CRYBG1: variants seen among roughly 807,000 people sequenced by gnomAD.
CRYBG1 encodes crystallin beta-gamma domain containing 1, also known as beta/gamma crystallin domain-containing protein 1.
Under a neutral mutation model 189.2 loss-of-function variants are expected in CRYBG1, and 139 were observed. The ratio of observed to expected loss-of-function variants is 0.73; its 90% CI spans 0.64 to 0.85. The LOEUF is 0.85. Ranked by LOEUF, CRYBG1 falls within the 40% of genes least tolerant of loss-of-function variation. The pLI is 0.00. For synonymous variants in CRYBG1, 1,023 were observed against 1,017.1 expected, an observed-to-expected ratio of 1.01 and a Z score of -0.11; for missense variants, 2,611 against 2,675.8, an observed-to-expected ratio of 0.98 and a Z score of 0.53.
intron 2 of CRYBG1, among the ~76,000 whole-genome samples, chr6:106,486,181 AC>A (rs1772589521): frequency 1.3e-5 from 2 of 152,114 alleles, no homozygotes; most frequent in South Asian, 2.1e-4. Context: ...GTCTCAAGAA[AC>A]TTTTAAATTT....
chr6:106,510,255 C>T (rs1326144208), intron 2 of CRYBG1, among the ~76,000 whole-genome samples: 1 of 152,244 alleles, frequency 6.6e-6, no homozygotes, highest in African/African-American at 2.4e-5. Flanking sequence ...AGGAGCCAGG[C>T]TGGGCTCGCC....
chr6:106,480,041 A>G (rs1048136327), intron 2 of CRYBG1, among the ~76,000 whole-genome samples: 1 of 152,052 alleles, frequency 6.6e-6, no homozygotes, highest in Non-Finnish European at 1.5e-5. Context: ...TTATAGTTTT[A>G]GCTCCTCCAT....
chr6:106,520,360 T>C lies in CRYBG1; in HGVS notation c.3152T>C (p.Leu1051Pro), dbSNP rs1462087345. Residue 1051 changes from leucine (L) to proline (P), a missense_variant, in exon 4 of 22, where the codon CTG becomes CCG. Leu to Pro is a moderately conservative substitution (Grantham distance 98). This residue lies in a region of CRYBG1 where 1,622 missense variants were observed against 1,735.0 expected (regional missense o/e 0.93). Coordinates refer to ENST00000633556, the MANE Select transcript of CRYBG1 (RefSeq NM_001371242.2). ...CAAAGTCAGGGCAGCAGAACACCCC[T>C]GATGGCTGAATCCAGTCCCACCAAC... ...QAQSQGSRTP[L>P]MAESSPTNSP... 1.2e-6 allele frequency: 2 copies of C among 1,614,122 alleles called. No individual in the cohort carries two copies. The highest frequency in any genetic ancestry group is 1.3e-5 in the African/African-American group (1 of 75,040).
intron 1 of CRYBG1, among the ~76,000 whole-genome samples, chr6:106,435,974 A>G (rs1321708781): frequency 6.6e-6 from 1 of 152,228 alleles, no homozygotes; most frequent in Non-Finnish European, 1.5e-5. Flanking sequence ...ACTGGGAAAA[A>G]GAAATTGAGA....
intron 1 of CRYBG1, among the ~76,000 whole-genome samples, chr6:106,413,394 T>C (rs1385868108): frequency 6.6e-6 from 1 of 152,126 alleles, no homozygotes; most frequent in East Asian, 1.9e-4. Flanking sequence ...TGACAGATGT[T>C]GGCCAGGCAT....
rs1428484135 is a variant in CRYBG1, at chr6:106,431,101, A to G, written c.174-20593A>G. On this transcript the variant is annotated intron_variant, in intron 1 of 21. Transcript: ENST00000633556. ...GGTCTCAAACTCCTGACCTCAAGTGATCCACCCGCCTCAGCCTCCCAAAGT... is the reference window on the plus strand; with the variant it reads ...GGTCTCAAACTCCTGACCTCAAGTGGTCCACCCGCCTCAGCCTCCCAAAGT... Among the ~76,000 whole-genome samples, 5 of 152,100 alleles carry G rather than the reference A, an allele frequency of 3.3e-5. No individual in the cohort carries two copies. The East Asian group carries it at 7.7e-4, about 24-fold the overall frequency.
intron 1 of CRYBG1, among the ~76,000 whole-genome samples, chr6:106,399,064 C>G (rs1770668206): frequency 6.8e-6 from 1 of 147,910 alleles, no homozygotes; most frequent in Non-Finnish European, 1.5e-5. Context: ...GGAAGTTTGC[C>G]CAGAGAGCCA....
chr6:106,507,360 G>A (rs946884767), intron 2 of CRYBG1, among the ~76,000 whole-genome samples: 24 of 152,184 alleles, frequency 1.6e-4, no homozygotes, highest in Admixed American at 2.0e-4. Context: ...CTTAAGTAAG[G>A]TGGGCAGAAA....
At position 106,512,784 on chromosome 6, in the gene CRYBG1, C is replaced by T. The variant is rs767378767; in HGVS notation, c.1667C>T (p.Ala556Val). The T allele has an allele frequency of 6.3e-6, 10 of 1,579,760 alleles. No homozygotes were observed. The highest frequency in any genetic ancestry group is 8.6e-6 in the Non-Finnish European group (10 of 1,162,604). The change falls in exon 3 of 22, where the codon GCG becomes GTG. Residue 556 changes from alanine (A) to valine (V), a missense_variant. Ala to Val is a moderately conservative substitution (Grantham distance 64, BLOSUM62 0). Transcript: ENST00000633556. The part of the protein sequence containing the change: ...PDPSPVTKGT[A>V]AESGEEAARA... ...CCCAGCCCAGTCACCAAGGGCACTGCGGCCGAGAGCGGGGAGGAGGCGGCG... is the reference window on the plus strand; with the variant it reads ...CCCAGCCCAGTCACCAAGGGCACTGTGGCCGAGAGCGGGGAGGAGGCGGCG...
rs1232217753 is a variant in CRYBG1, at chr6:106,511,982, G to T, written c.865G>T (p.Ala289Ser). ...ASPGAGHEQE[A>S]FLGVRGAPGS... Reference sequence around the variant, plus strand: ...ACCAGGTGCTGGCCACGAACAGGAGGCTTTCCTGGGTGTGAGGGGTGCGCC... The same window carrying T: ...ACCAGGTGCTGGCCACGAACAGGAGTCTTTCCTGGGTGTGAGGGGTGCGCC... The change falls in exon 3 of 22, where the codon GCT becomes TCT. Residue 289 changes from alanine (A) to serine (S), a missense_variant. Around this residue, in one of 3 missense-constraint regions of CRYBG1, gnomAD observed 985 missense variants for 924.4 expected, o/e 1.07. Transcript: ENST00000633556. 6 of 1,530,090 alleles carry T rather than the reference G, an allele frequency of 3.9e-6. No homozygotes were observed. In the South Asian group the frequency reaches 7.2e-5, roughly 18 times the overall value. The allele number at this position is 1,530,090 out of a possible 1,614,324, so 94.8% of individuals were successfully genotyped here.
In CRYBG1 at chr6:106,555,892, G is replaced by T. The variant is rs761656012; in HGVS notation, c.5710G>T (p.Asp1904Tyr). The T allele has an allele frequency of 4.3e-6, 7 of 1,614,060 alleles. No individual in the cohort carries two copies. In the Admixed American group the frequency reaches 1.2e-4, roughly 27 times the overall value. Residue 1904 changes from aspartate (D) to tyrosine (Y), a missense_variant, in exon 17 of 22, where the codon GAT (aspartate) becomes TAT (tyrosine). Asp to Tyr is a radical substitution (Grantham distance 160). Around this residue, in one of 3 missense-constraint regions of CRYBG1, gnomAD observed 1,622 missense variants for 1,735.0 expected, o/e 0.93. Transcript: ENST00000633556. ...GATFKSLRFI[D>Y]VEFSEPTIIL... is the part of the protein sequence containing the mutation. ...AACTTTCAAGTCTCTTCGTTTTATAGATGTTGTAAGTATGTCATTGTGAAT... is the reference window on the plus strand; with the variant it reads ...AACTTTCAAGTCTCTTCGTTTTATATATGTTGTAAGTATGTCATTGTGAAT...
chr6:106,388,964 C>T lies in CRYBG1; in HGVS notation c.173+27883C>T, dbSNP rs60210904. ...TAAACCTAAAGAGACTGTGCCTAAGCAGAGAAATTGACACTGGCATAAAGT... is the reference window on the plus strand; with the variant it reads ...TAAACCTAAAGAGACTGTGCCTAAGTAGAGAAATTGACACTGGCATAAAGT... On this transcript the variant is annotated intron_variant, in intron 1 of 21. Transcript: ENST00000633556. Among the ~76,000 whole-genome samples the T allele has an allele frequency of 2.0e-5, 3 of 152,258 alleles. No individual in the cohort carries two copies. In the East Asian group the frequency reaches 5.8e-4, roughly 29 times the overall value.
chr6:106,416,768 G>A (rs1256468583), intron 1 of CRYBG1, among the ~76,000 whole-genome samples: 1 of 152,142 alleles, frequency 6.6e-6, no homozygotes, highest in East Asian at 1.9e-4. Flanking sequence ...TTGTGTGTTT[G>A]TTGACATAAA....
chr6:106,488,702 C>T (rs1772647976), intron 2 of CRYBG1, among the ~76,000 whole-genome samples: 1 of 152,162 alleles, frequency 6.6e-6, no homozygotes, highest in African/African-American at 2.4e-5. Flanking sequence ...CTTCCCACTG[C>T]TGCACAGTTG....
intron 1 of CRYBG1, among the ~76,000 whole-genome samples, chr6:106,374,821 C>T (rs1018498452): frequency 5.3e-5 from 8 of 152,120 alleles, no homozygotes; most frequent in Non-Finnish European, 1.2e-4. Context: ...CATTCTAGCA[C>T]TAAGTTCTTT....
chr6:106,541,308 A>G (rs1193115628), intron 9 of CRYBG1: 1 of 585,322 alleles, frequency 1.7e-6, no homozygotes, highest in Admixed American at 2.2e-5. Context: ...ATGGATTTTT[A>G]TGATAAATTT....
chr6:106,439,226 G>A (rs1198561101), intron 1 of CRYBG1, among the ~76,000 whole-genome samples: 1 of 151,734 alleles, frequency 6.6e-6, no homozygotes, highest in Non-Finnish European at 1.5e-5. Context: ...AATACCAATA[G>A]CCTTTATTCT....
rs573469064 is a variant in CRYBG1, at chr6:106,402,918, G to A, written c.173+41837G>A. Among the ~76,000 whole-genome samples, 57 of 152,290 alleles carry A rather than the reference G, an allele frequency of 3.7e-4. 1 individual carries two copies. In the South Asian group the frequency reaches 0.011, roughly 30 times the overall value. ...ATGGCATGGCACATGCTGGATTTAA[G>A]GACTGAAATGTAAGCTCTGTGAGGG... On this transcript the variant is annotated intron_variant, in intron 1 of 21. Transcript: ENST00000633556.
rs571727120 is a variant in CRYBG1, at chr6:106,392,745, G to A, written c.173+31664G>A. ...AGGACAGCCGTGCTAAGAACTGTTC[G>A]AATTTTTGGTTATTTAAAAGAGAAA... On this transcript the variant is annotated intron_variant, in intron 1 of 21. Coordinates refer to ENST00000633556, the MANE Select transcript of CRYBG1 (RefSeq NM_001371242.2). Among the ~76,000 whole-genome samples the A allele has an allele frequency of 9.3e-5, 14 of 150,752 alleles. No homozygotes were observed. The East Asian group carries it at 1.5e-3, about 17-fold the overall frequency.
Sources: allele counts gnomAD v4.1 joint callset (sites outside exome capture counted in the v4.1 genomes callset), GRCh38; gene constraint gnomAD v4.1.1; regional missense constraint gnomAD v4.1.1; transcripts MANE v1.5; gene names NCBI Gene and HGNC (gene_info 2026-07-23, HGNC 2026-07-21).